Variants in C6orf52 observed in about 807,000 individuals in gnomAD.
C6orf52 encodes the protein putative uncharacterized protein C6orf52.
In C6orf52, 16 loss-of-function variants were observed where a neutral mutation model predicts 16.6. That is an observed-to-expected ratio of 0.96 (90% CI 0.65 to 1.46). The LOEUF is 1.46. C6orf52 is among the 40% of genes most tolerant of loss of function. The probability of loss-of-function intolerance (pLI) is 0.00; values close to 1 mark genes in which losing one functional copy is unlikely to be tolerated. For synonymous variants in C6orf52, 53 were observed against 61.4 expected (o/e 0.86, Z 0.64); for missense variants, 166 against 182.3 (o/e 0.91, Z 0.52).
intron 4 of C6orf52, among the ~76,000 whole-genome samples, chr6:10,679,100 A>G (rs1768140077): frequency 6.6e-6 from 1 of 151,996 alleles, no homozygotes; most frequent in African/African-American, 2.4e-5. Context: ...TCAAAAAAAA[A>G]TAAAATAAAA....
At chr6:10,672,784 C>T in intron 4 of C6orf52, 2 of 532,854 alleles carry the variant, frequency 3.8e-6, no homozygotes, top group East Asian at 3.1e-5. Context: ...CGCCAGAAAC[C>T]AAATTATCCA....
At chr6:10,676,840 C>A (rs1259298860) in intron 4 of C6orf52, among the ~76,000 whole-genome samples, 1 of 152,208 alleles carries the variant, frequency 6.6e-6, no homozygotes, top group Non-Finnish European at 1.5e-5. Flanking sequence ...CACTCCTTAA[C>A]CCACCCACAT....
At chr6:10,671,743 C>A in intron 4 of C6orf52, 145 bp from the exon 5 acceptor site, 1 of 508,766 alleles carries the variant, frequency 2.0e-6, no homozygotes, top group Non-Finnish European at 3.4e-6. Context: ...TGCATATTTC[C>A]TTTCAATAAG....
At chr6:10,688,952 C>T (rs1303927978) in intron 1 of C6orf52, among the ~76,000 whole-genome samples, 2 of 152,226 alleles carry the variant, frequency 1.3e-5, no homozygotes, top group African/African-American at 4.8e-5. Context: ...GCTGGGATTA[C>T]AGGCATCTGG....
intron 4 of C6orf52, among the ~76,000 whole-genome samples, chr6:10,676,069 G>T (rs947380970): frequency 5.9e-5 from 9 of 152,162 alleles, no homozygotes; most frequent in African/African-American, 2.2e-4. Flanking sequence ...GGCGGAGGCT[G>T]CAGTGAGCCG....
chr6:10,692,214 G>A (rs1274260253), intron 1 of C6orf52, among the ~76,000 whole-genome samples: 1 of 152,102 alleles, frequency 6.6e-6, no homozygotes, highest in Non-Finnish European at 1.5e-5. Flanking sequence ...AAACAGATAT[G>A]TTGTGGAGTA....
At chr6:10,675,990 G>A (rs1372770362) in intron 4 of C6orf52, among the ~76,000 whole-genome samples, 1 of 148,560 alleles carries the variant, frequency 6.7e-6, no homozygotes, top group African/African-American at 2.6e-5. Context: ...AAATTAGCTG[G>A]GCGTGGTGGC....
intron 4 of C6orf52, among the ~76,000 whole-genome samples, chr6:10,680,566 G>T (rs943741025): frequency 2.6e-5 from 4 of 152,094 alleles, no homozygotes; most frequent in African/African-American, 9.6e-5. Flanking sequence ...TCGATTTTTT[G>T]GAGTGTTTAA....
In C6orf52 at chr6:10,694,575, A is replaced by G. The variant is rs9467252; in HGVS notation, c.-93T>C. On this transcript the variant is annotated 5_prime_UTR_variant, in exon 1 of 5. Transcript: ENST00000259983. Reference sequence around the variant, plus strand: ...ACTAGTACACAGCCCACAACAATGCACGCTGCCGGCGCTACAGCCCCTAAG... The same window carrying G: ...ACTAGTACACAGCCCACAACAATGCGCGCTGCCGGCGCTACAGCCCCTAAG... 21,319 of 186,182 alleles carry G rather than the reference A, an allele frequency of 0.11. 4,363 individuals are homozygous for G. Among genetic ancestry groups the G allele is most frequent in the African/African-American group, 0.45 (18,772 of 41,944 alleles). The allele number at this position is 186,182 out of a possible 1,614,324, so 11.5% of individuals were successfully genotyped here.
intron 4 of C6orf52, among the ~76,000 whole-genome samples, chr6:10,672,994 C>A (rs1431791143): frequency 6.6e-6 from 1 of 152,232 alleles, no homozygotes; most frequent in African/African-American, 2.4e-5. Flanking sequence ...CACTTTTCTT[C>A]ATTGGAGTCA....
chr6:10,685,981 G>C (rs1768840894), intron 3 of C6orf52, among the ~76,000 whole-genome samples: 1 of 152,168 alleles, frequency 6.6e-6, no homozygotes, highest in African/African-American at 2.4e-5. Flanking sequence ...TTGAAGATAG[G>C]TAAGTTTGTT....
upstream of C6orf52, chr6:10,694,732 T>C (rs1041157420): frequency 7.7e-6 from 3 of 390,686 alleles, no homozygotes; most frequent in African/African-American, 4.2e-5. Flanking sequence ...TTGCCCCCGA[T>C]TTTTTTCTCC....
At chr6:10,673,184 ATGGGTCC>A (rs1326172428) in intron 4 of C6orf52, among the ~76,000 whole-genome samples, 3 of 152,194 alleles carry the variant, frequency 2.0e-5, no homozygotes, top group Non-Finnish European at 4.4e-5. Context: ...TTGTCTGCTA[ATGGGTCC>A]CTGACTGCAT....
At chr6:10,690,645 A>G (rs1561882715) in intron 1 of C6orf52, among the ~76,000 whole-genome samples, 1 of 152,232 alleles carries the variant, frequency 6.6e-6, no homozygotes, top group Non-Finnish European at 1.5e-5. Context: ...GAAGCTAAGC[A>G]CTCAACAAAT....
intron 1 of C6orf52, among the ~76,000 whole-genome samples, chr6:10,691,399 G>C (rs755980237): frequency 1.3e-5 from 2 of 150,276 alleles, no homozygotes; most frequent in African/African-American, 5.0e-5. Flanking sequence ...CTGAGCAAGC[G>C]GGGGTACATG....
chr6:10,689,307 G>A (rs527832851), intron 1 of C6orf52, among the ~76,000 whole-genome samples: 1 of 152,202 alleles, frequency 6.6e-6, no homozygotes, highest in African/African-American at 2.4e-5. Flanking sequence ...GTTGCATCCA[G>A]GGATGCAGAA....
chr6:10,681,606 A>T (rs368351150), intron 4 of C6orf52, among the ~76,000 whole-genome samples: 3 of 152,202 alleles, frequency 2.0e-5, no homozygotes, highest in Non-Finnish European at 1.5e-5. Context: ...TTAACCACCT[A>T]AAAGTACTGT....
At chr6:10,694,702 C>T (rs1169007738), upstream of C6orf52, 2 of 339,322 alleles carry the variant, frequency 5.9e-6, no homozygotes, top group African/African-American at 2.1e-5. Context: ...GTAGCTGGCA[C>T]CTTCCTGAGA....
Position 10,694,588 on chromosome 6 carries a change from TACAGCCCCTAAGCAACC to T in C6orf52, c.-123_-107del. The T allele has an allele frequency of 5.7e-6, 1 of 176,914 alleles. No individual in the cohort carries two copies. 11.0% of individuals were successfully genotyped at this position (176,914 alleles called of 1,614,324 possible). A position where few individuals can be genotyped will look rare whatever the true frequency, so the allele number is the denominator to read the frequency against. ...CCACAACAATGCACGCTGCCGGCGC[TACAGCCCCTAAGCAACC>T]GGCCGGAAGTCGGCCCCACCTCCTC... On this transcript the variant is annotated 5_prime_UTR_variant, in exon 1 of 5. Coordinates refer to ENST00000259983, the MANE Select transcript of C6orf52 (RefSeq NM_001145020.3).
Sources: gnomAD v4.1 joint callset for allele counts (sites outside exome capture counted in the v4.1 genomes callset) on GRCh38, gnomAD v4.1.1 for gene constraint, MANE v1.5 for transcripts, NCBI Gene and HGNC (gene_info 2026-07-23, HGNC 2026-07-21) for gene names.